Variants in ABLIM2 observed in about 807,000 individuals in gnomAD.
ABLIM2 encodes the protein actin binding LIM protein family member 2, also known as actin-binding LIM protein 2.
In ABLIM2, 53 loss-of-function variants were observed where a neutral mutation model predicts 97.7. That is an observed-to-expected ratio of 0.54 (90% CI 0.44 to 0.68). The LOEUF (loss-of-function observed/expected upper bound fraction) is 0.68. ABLIM2 is among the 30% of genes least tolerant of loss of function. The pLI, the probability that ABLIM2 is intolerant of heterozygous loss-of-function variation, is 0.00. For missense variants in ABLIM2, 835 were observed against 867.2 expected (o/e 0.96, Z 0.47); for synonymous variants, 361 against 345.8 (o/e 1.04, Z -0.49).
chr4:8,009,096 C>G lies in ABLIM2; in HGVS notation c.1430G>C (p.Arg477Thr), dbSNP rs1267373635. 5.6e-6 allele frequency: 9 copies of G among 1,614,060 alleles called. No individual in the cohort carries two copies. In the South Asian group the frequency reaches 9.9e-5, roughly 18 times the overall value. The change falls in exon 15 of 21, where the codon AGG becomes ACG. Residue 477 changes from arginine to threonine, a missense_variant. Coordinates refer to ENST00000447017, the MANE Select transcript of ABLIM2 (RefSeq NM_001130083.2). ...KPPIYRQHAA[R>T]RSDGEDGSLD... is the part of the protein sequence containing the mutation. Reference sequence around the variant, plus strand: ...GCTTCCATCCTCCCCATCCGATCGCCTGGCAGCTGGAAGGGAAAAATCCAT... The same window carrying G: ...GCTTCCATCCTCCCCATCCGATCGCGTGGCAGCTGGAAGGGAAAAATCCAT...
At chr4:8,064,926 G>A (rs1222304229) in intron 6 of ABLIM2, among the ~76,000 whole-genome samples, 1 of 152,164 alleles carries the variant, frequency 6.6e-6, no homozygotes, top group Non-Finnish European at 1.5e-5. Context: ...AAACGCAAGA[G>A]CTAAAACTGA....
chr4:8,020,598 T>C, intron 12 of ABLIM2: 1 of 478,780 alleles, frequency 2.1e-6, no homozygotes, highest in Non-Finnish European at 3.8e-6. Flanking sequence ...GGGGGCTCAC[T>C]CCATCTGCGC....
chr4:8,112,914 G>A lies in ABLIM2; in HGVS notation c.11-6277C>T, dbSNP rs547533746. On this transcript the variant is annotated intron_variant, in intron 1 of 20. Coordinates refer to ENST00000447017, the MANE Select transcript of ABLIM2 (RefSeq NM_001130083.2). This position sits in a 1 kb window ranked among gnomAD's most constrained non-coding sequence, Gnocchi z 4.2. The stretch of plus-strand genomic sequence containing the variant: ...TTGTTCAACAGACACGGGAGCAGAC[G>A]CACTGTCAGGTACTGGGGAGAGAGG... Among the ~76,000 whole-genome samples, 24 of 152,262 alleles carry A rather than the reference G, an allele frequency of 1.6e-4. 1 individual carries two copies. Among genetic ancestry groups the A allele is most frequent in the South Asian group, 1.4e-3 (7 of 4,830 alleles).
rs975351763 is a variant in ABLIM2, at chr4:7,965,917, A to G, written c.*1073T>C. The G allele has an allele frequency of 6.6e-6, 1 of 152,246 alleles. No homozygotes were observed. The highest frequency in any genetic ancestry group is 1.9e-4 in the East Asian group (1 of 5,192). 9.4% of individuals were successfully genotyped at this position (152,246 alleles called of 1,614,324 possible). ...AGACACCGCCAGCCACAGCACAAGG[A>G]CGGTGCATCAAGAGCTACGTCGGGT... On this transcript the variant is annotated 3_prime_UTR_variant, in exon 21 of 21. Transcript: ENST00000447017.
rs1744037161 is a variant in ABLIM2 at position 7,986,310 on chromosome 4, C to T, written c.1681-1417G>A. On this transcript the variant is annotated intron_variant, in intron 17 of 20. Transcript: ENST00000447017. The surrounding 1 kb of genome is among the most constrained non-coding windows in gnomAD (Gnocchi z 4.3). ...AGAGAGCACGAGAGCAGGAAGACCT[C>T]AGAGGGCACCGAGTCCAAAGCCCTT... Among the ~76,000 whole-genome samples, 1 of 152,146 alleles carries T rather than the reference C, an allele frequency of 6.6e-6. No individual in the cohort carries two copies. Among genetic ancestry groups the T allele is most frequent in the Admixed American group, 6.5e-5 (1 of 15,278 alleles).
At position 8,032,792 on chromosome 4, in the gene ABLIM2, G is replaced by A. The variant is rs1781792273; in HGVS notation, c.1048-3016C>T. The A allele has an allele frequency of 9.1e-7, 1 of 1,098,786 alleles. No individual in the cohort carries two copies. The highest frequency in any genetic ancestry group is 1.5e-5 in the African/African-American group (1 of 65,054). 68.1% of individuals were successfully genotyped at this position (1,098,786 alleles called of 1,614,324 possible). A position where few individuals can be genotyped will look rare whatever the true frequency, so the allele number is the denominator to read the frequency against. On this transcript the variant is annotated intron_variant, in intron 10 of 20. Coordinates refer to ENST00000447017, the MANE Select transcript of ABLIM2 (RefSeq NM_001130083.2). This position sits in a 1 kb window ranked among gnomAD's most constrained non-coding sequence, Gnocchi z 4.3. ...GGCGCAAACACCCACACAGAGCCCT[G>A]ATCCTCCAGACAGGAAAAGAACTCT...
At chr4:8,031,893 T>A (rs1313402871) in intron 10 of ABLIM2, among the ~76,000 whole-genome samples, 1 of 151,978 alleles carries the variant, frequency 6.6e-6, no homozygotes, top group East Asian at 1.9e-4. Flanking sequence ...CCTGGGTAAT[T>A]TTTGTATTTT....
chr4:8,001,540 C>T lies in ABLIM2; in HGVS notation c.1618+6519G>A, dbSNP rs574405386. Reference sequence around the variant, plus strand: ...GCATCTTCTCCTGGGCTGGGGTCCTCGCCCTGACCTCTGGAGCTCCCTCTG... The same window carrying T: ...GCATCTTCTCCTGGGCTGGGGTCCTTGCCCTGACCTCTGGAGCTCCCTCTG... On this transcript the variant is annotated intron_variant, in intron 16 of 20. Coordinates refer to ENST00000447017, the MANE Select transcript of ABLIM2 (RefSeq NM_001130083.2). The surrounding 1 kb of genome is among the most constrained non-coding windows in gnomAD (Gnocchi z 4.2). Among the ~76,000 whole-genome samples, 253 of 152,240 alleles carry T rather than the reference C, an allele frequency of 1.7e-3. No homozygotes were observed. Among genetic ancestry groups the T allele is most frequent in the African/African-American group, 5.5e-3 (227 of 41,546 alleles).
chr4:8,080,831 C>A (rs372729081), intron 4 of ABLIM2, 29 bp from the exon 5 acceptor site: 11 of 1,582,698 alleles, frequency 7.0e-6, no homozygotes, highest in South Asian at 5.7e-5. Flanking sequence ...AACACAGACA[C>A]CCCCACCATT....
chr4:8,158,477 G>C (rs1174455222), intron 1 of ABLIM2, among the ~76,000 whole-genome samples: 2 of 152,166 alleles, frequency 1.3e-5, no homozygotes, highest in Non-Finnish European at 2.9e-5. Context: ...CCCGGCCCGC[G>C]CCACTGAGCT....
Position 8,002,470 on chromosome 4 carries a change from C to T in ABLIM2, c.1618+5589G>A, listed in dbSNP as rs939192542. Among the ~76,000 whole-genome samples, 14 of 152,162 alleles carry T rather than the reference C, an allele frequency of 9.2e-5. No homozygotes were observed. The highest frequency in any genetic ancestry group is 1.7e-4 in the African/African-American group (7 of 41,440). On this transcript the variant is annotated intron_variant, in intron 16 of 20. Coordinates refer to ENST00000447017, the MANE Select transcript of ABLIM2 (RefSeq NM_001130083.2). The surrounding 1 kb of genome is among the most constrained non-coding windows in gnomAD (Gnocchi z 6.1). ...CCTGACTGGGCAGCCTCCAGTCCAC[C>T]GTCTATGCAGCTGCCTTCTGATGTT...
At chr4:8,118,437 C>T (rs540614777) in intron 1 of ABLIM2, among the ~76,000 whole-genome samples, 3 of 152,286 alleles carry the variant, frequency 2.0e-5, no homozygotes, top group Middle Eastern at 3.4e-3. Context: ...TAATCTGAGT[C>T]GGCCTCACTG....
At chr4:7,997,658 C>T (rs1476761932) in intron 16 of ABLIM2, among the ~76,000 whole-genome samples, 1 of 152,062 alleles carries the variant, frequency 6.6e-6, no homozygotes, top group Non-Finnish European at 1.5e-5. Context: ...TCTGCAATTG[C>T]GTGTTCTAGA....
intron 1 of ABLIM2, among the ~76,000 whole-genome samples, chr4:8,151,852 T>TGGGGTG (rs1712941062): frequency 1.3e-4 from 1 of 7,810 alleles, no homozygotes; most frequent in Non-Finnish European, 2.6e-4. Flanking sequence ...TTGCAGGACT[T>TGGGGTG]GGGGTGGGGG....
chr4:8,001,108 T>C lies in ABLIM2; in HGVS notation c.1618+6951A>G, dbSNP rs952669279. On this transcript the variant is annotated intron_variant, in intron 16 of 20. Coordinates refer to ENST00000447017, the MANE Select transcript of ABLIM2 (RefSeq NM_001130083.2). This position sits in a 1 kb window ranked among gnomAD's most constrained non-coding sequence, Gnocchi z 4.2. Reference sequence around the variant, plus strand: ...TTCGGGTCCCCTCTCTGAGCCTTGGTGTGTCCATCTGAGGAAGACGGGCAC... The same window carrying C: ...TTCGGGTCCCCTCTCTGAGCCTTGGCGTGTCCATCTGAGGAAGACGGGCAC... Among the ~76,000 whole-genome samples, 1 of 152,158 alleles carries C rather than the reference T, an allele frequency of 6.6e-6. No homozygotes were observed. Among genetic ancestry groups the C allele is most frequent in the Non-Finnish European group, 1.5e-5 (1 of 68,020 alleles).
Position 8,054,267 on chromosome 4 carries a change from G to T in ABLIM2, c.764-21C>A. ...GGAACCTGTTGACAAATTCCCAAGA[G>T]GGAAATGATTAGAGTTATTTCCCAT... On this transcript the variant is annotated intron_variant, in intron 7 of 20. Coordinates refer to ENST00000447017, the MANE Select transcript of ABLIM2 (RefSeq NM_001130083.2). This position sits in a 1 kb window ranked among gnomAD's most constrained non-coding sequence, Gnocchi z 4.9. The T allele has an allele frequency of 1.9e-6, 3 of 1,613,690 alleles. No homozygotes were observed. In the South Asian group the frequency reaches 3.3e-5, roughly 18 times the overall value.
rs1428762206 is a variant in ABLIM2, at chr4:8,003,605, G to A, written c.1618+4454C>T. ...TTTGGAGATGGAGTCTCGCTCTGTC[G>A]CCCAGGCTGGAGTGCAATGGTGCAA... On this transcript the variant is annotated intron_variant, in intron 16 of 20. Coordinates refer to ENST00000447017, the MANE Select transcript of ABLIM2 (RefSeq NM_001130083.2). The surrounding 1 kb of genome is among the most constrained non-coding windows in gnomAD (Gnocchi z 4.2). 6.6e-5 allele frequency among the ~76,000 whole-genome samples: 9 copies of A among 137,022 alleles called. No homozygotes were observed. The highest frequency in any genetic ancestry group is 4.2e-4 in the East Asian group (2 of 4,742). The allele number at this position is 137,022 out of a possible 152,430, so 89.9% of individuals were successfully genotyped here.
rs73796841 is a variant in ABLIM2, at chr4:8,076,223, G to C, written c.675+1405C>G. On this transcript the variant is annotated intron_variant, in intron 6 of 20. Coordinates refer to ENST00000447017, the MANE Select transcript of ABLIM2 (RefSeq NM_001130083.2). The stretch of plus-strand genomic sequence containing the variant: ...CCCGCCAGGTAGAGTTGCTGGATGC[G>C]GGTTTGAAAGAAGGTGGCCTGAGGC... 9.9e-3 allele frequency among the ~76,000 whole-genome samples: 1,515 copies of C among 152,344 alleles called. 27 individuals are homozygous for C. Among genetic ancestry groups the C allele is most frequent in the African/African-American group, 0.034 (1,426 of 41,578 alleles).
chr4:7,975,440 C>G (rs1732188568), intron 20 of ABLIM2, among the ~76,000 whole-genome samples: 1 of 152,210 alleles, frequency 6.6e-6, no homozygotes, highest in Non-Finnish European at 1.5e-5. Context: ...CTCCTGCGTA[C>G]TTATCCACTC....
Sources: gnomAD v4.1 joint callset for allele counts (sites outside exome capture counted in the v4.1 genomes callset) on GRCh38, gnomAD v4.1.1 for gene constraint, Gnocchi (gnomAD v3.1) non-coding constraint, MANE v1.5 for transcripts, NCBI Gene and HGNC (gene_info 2026-07-23, HGNC 2026-07-21) for gene names.